BMPER: variants seen among roughly 807,000 people sequenced by gnomAD.
BMPER encodes BMP binding endothelial regulator.
BMPER carries 45 observed loss-of-function variants against 87.3 expected under a neutral mutation model. The ratio of observed to expected loss-of-function variants is 0.52; its 90% CI spans 0.41 to 0.66. BMPER has a LOEUF of 0.66. BMPER is among the 30% of genes least tolerant of loss of function. BMPER has a pLI of 0.00. For missense variants in BMPER, 784 were observed against 867.5 expected, an observed-to-expected ratio of 0.90 and a Z score of 1.21; for synonymous variants, 326 against 316.2, an observed-to-expected ratio of 1.03 and a Z score of -0.33.
At chr7:33,940,866 T>TAC (rs531954507) in intron 3 of BMPER, among the ~76,000 whole-genome samples, 1 of 139,670 alleles carries the variant, frequency 7.2e-6, no homozygotes, top group African/African-American at 2.7e-5. Flanking sequence ...TTATATATAT[T>TAC]ATATTATATA....
chr7:34,035,450 T>C lies in BMPER; in HGVS notation c.577-10856T>C, dbSNP rs1585760685. Reference sequence around the variant, plus strand: ...TGCTATTTAGAAATGAAAATGAAGTTTAAATGTAATCTTATTTTTCCGTAG... The same window carrying C: ...TGCTATTTAGAAATGAAAATGAAGTCTAAATGTAATCTTATTTTTCCGTAG... On this transcript the variant is annotated intron_variant, in intron 6 of 14. Coordinates refer to ENST00000649409, the MANE Select transcript of BMPER (RefSeq NM_001365308.1). Among the ~76,000 whole-genome samples, 3 of 152,292 alleles carry C rather than the reference T, an allele frequency of 2.0e-5. No individual in the cohort carries two copies. The East Asian group carries it at 5.8e-4, about 29-fold the overall frequency.
intron 3 of BMPER, among the ~76,000 whole-genome samples, chr7:33,961,651 T>C (rs1230338124): frequency 6.6e-6 from 1 of 152,162 alleles, no homozygotes; most frequent in Non-Finnish European, 1.5e-5. Context: ...CGGTCAGCCC[T>C]CCACAAAGAG....
chr7:34,131,346 G>A (rs1261277428), intron 13 of BMPER, among the ~76,000 whole-genome samples: 1 of 152,138 alleles, frequency 6.6e-6, no homozygotes, highest in Non-Finnish European at 1.5e-5. Flanking sequence ...TGCAGTGATG[G>A]GATGTGAATG....
chr7:33,934,982 C>T (rs1784567612), intron 2 of BMPER, among the ~76,000 whole-genome samples: 1 of 152,156 alleles, frequency 6.6e-6, no homozygotes, highest in African/African-American at 2.4e-5. Flanking sequence ...TCACTGTCAA[C>T]AATACCAAGC....
At chr7:34,032,812 A>G (rs1414931153) in intron 6 of BMPER, among the ~76,000 whole-genome samples, 2 of 152,088 alleles carry the variant, frequency 1.3e-5, no homozygotes, top group Non-Finnish European at 2.9e-5. Context: ...CTACCATGGC[A>G]TGTTTTATTA....
chr7:34,131,849 C>T (rs1011801443), intron 13 of BMPER, among the ~76,000 whole-genome samples: 1 of 152,204 alleles, frequency 6.6e-6, no homozygotes, highest in African/African-American at 2.4e-5. Flanking sequence ...AATTCCTGCA[C>T]ATCCTTCAAA....
intron 13 of BMPER, among the ~76,000 whole-genome samples, chr7:34,090,927 C>T (rs181581044): frequency 2.4e-3 from 371 of 152,308 alleles, no homozygotes; most frequent in Admixed American, 3.6e-3. Context: ...TGGGGATTCC[C>T]AGTCTAGGAA....
At chr7:34,074,578 G>A (rs1313481836) in intron 11 of BMPER, among the ~76,000 whole-genome samples, 1 of 152,148 alleles carries the variant, frequency 6.6e-6, no homozygotes, top group Non-Finnish European at 1.5e-5. Context: ...CGTGGGGCCT[G>A]TTTCCCTGCA....
chr7:34,146,136 G>A (rs1015287597), intron 14 of BMPER, among the ~76,000 whole-genome samples: 2 of 152,016 alleles, frequency 1.3e-5, no homozygotes, highest in African/African-American at 4.8e-5. Context: ...CAGATCTGTA[G>A]CATCTCTCAG....
At chr7:33,957,917 AT>A in intron 3 of BMPER, among the ~76,000 whole-genome samples, 1 of 152,346 alleles carries the variant, frequency 6.6e-6, no homozygotes, top group East Asian at 1.9e-4. Context: ...AGGATAATGC[AT>A]TAGTGACACA....
At chr7:34,098,068 C>G (rs914157449) in intron 13 of BMPER, among the ~76,000 whole-genome samples, 3 of 152,034 alleles carry the variant, frequency 2.0e-5, no homozygotes, top group Non-Finnish European at 4.4e-5. Flanking sequence ...AGAGAAAGTG[C>G]TGGACTTACT....
At chr7:33,916,768 C>G (rs1784095294) in intron 2 of BMPER, among the ~76,000 whole-genome samples, 1 of 152,164 alleles carries the variant, frequency 6.6e-6, no homozygotes. Flanking sequence ...TCTGTCAGCT[C>G]CATAGCTTCA....
At chr7:34,031,915 T>C (rs1193793087) in intron 6 of BMPER, among the ~76,000 whole-genome samples, 1 of 124,598 alleles carries the variant, frequency 8.0e-6, no homozygotes, top group African/African-American at 3.3e-5. Context: ...TATATATATA[T>C]ATATATATAT....
intron 13 of BMPER, among the ~76,000 whole-genome samples, chr7:34,103,032 G>A (rs1356444694): frequency 2.6e-5 from 4 of 152,114 alleles, no homozygotes; most frequent in Non-Finnish European, 1.5e-5. Context: ...CAAAGCACTT[G>A]GAGAGTTTGA....
At chr7:33,999,693 C>T (rs1419051748) in intron 6 of BMPER, among the ~76,000 whole-genome samples, 1 of 152,178 alleles carries the variant, frequency 6.6e-6, no homozygotes, top group African/African-American at 2.4e-5. Context: ...TCTGACCTTC[C>T]CACAATCCTA....
At chr7:33,945,573 C>T (rs1784873659) in intron 3 of BMPER, among the ~76,000 whole-genome samples, 1 of 151,990 alleles carries the variant, frequency 6.6e-6, no homozygotes, top group Non-Finnish European at 1.5e-5. Context: ...TTTTATCTAC[C>T]AAGAGCTCTC....
chr7:34,087,151 A>AGGC (rs1789236796), intron 13 of BMPER, among the ~76,000 whole-genome samples: 1 of 152,186 alleles, frequency 6.6e-6, no homozygotes, highest in Non-Finnish European at 1.5e-5. Flanking sequence ...CTGTCATCAC[A>AGGC]AATCCCCGAA....
At chr7:33,953,830 C>A (rs1785086227) in intron 3 of BMPER, among the ~76,000 whole-genome samples, 1 of 152,150 alleles carries the variant, frequency 6.6e-6, no homozygotes, top group African/African-American at 2.4e-5. Flanking sequence ...CCTTGGTAGC[C>A]TGCATTCCAC....
intron 3 of BMPER, among the ~76,000 whole-genome samples, chr7:33,961,066 G>A (rs781382950): frequency 6.6e-6 from 1 of 152,158 alleles, no homozygotes; most frequent in Non-Finnish European, 1.5e-5. Flanking sequence ...AATGGAGAAG[G>A]AGAACATGGA....
Sources: gnomAD v4.1 joint callset for allele counts (sites outside exome capture counted in the v4.1 genomes callset) on GRCh38, gnomAD v4.1.1 for gene constraint, MANE v1.5 for transcripts, NCBI Gene and HGNC (gene_info 2026-07-23, HGNC 2026-07-21) for gene names.